Variants in ZNF107 observed in about 807,000 individuals in gnomAD.
ZNF107 encodes the protein C2H2 type zinc-finger protein.
ZNF107 carries 19 observed loss-of-function variants against 12.3 expected under a neutral mutation model. That is an observed-to-expected ratio of 1.55 (90% CI 1.08 to 2.27). The LOEUF (loss-of-function observed/expected upper bound fraction) is 2.27, where lower values mean the gene tolerates loss of function less well. ZNF107 is among the 30% of genes most tolerant of loss of function. The pLI is 0.00. For synonymous variants in ZNF107, 317 were observed against 330.5 expected (o/e 0.96, Z 0.44); for missense variants, 958 against 979.9 (o/e 0.98, Z 0.30).
At chr7:64,671,662 A>G (rs966142156) in intron 1 of ZNF107, among the ~76,000 whole-genome samples, 2 of 152,102 alleles carry the variant, frequency 1.3e-5, no homozygotes, top group African/African-American at 4.8e-5. Context: ...GTTTTGGAGT[A>G]CACATGCAGT....
rs997482625 is a variant in ZNF107 at position 64,671,138 on chromosome 7, C to T, written c.3+4853C>T. ...GAACTCTGGGTGTCTGGGAATGCGACGCTCTACCCTCCTGTACACAGACTG... is the reference window on the plus strand; with the variant it reads ...GAACTCTGGGTGTCTGGGAATGCGATGCTCTACCCTCCTGTACACAGACTG... On this transcript the variant is annotated intron_variant, in intron 1 of 3. Transcript: ENST00000620827. Among the ~76,000 whole-genome samples the T allele has an allele frequency of 4.6e-5, 7 of 152,270 alleles. No individual in the cohort carries two copies. In the East Asian group the frequency reaches 7.7e-4, roughly 17 times the overall value.
At chr7:64,692,156 T>C (rs1790140200) in intron 3 of ZNF107, among the ~76,000 whole-genome samples, 196 bp downstream of exon 3, 2 of 152,234 alleles carry the variant, frequency 1.3e-5, no homozygotes, top group Non-Finnish European at 2.9e-5. Flanking sequence ...CTAAGGATTC[T>C]ACTTTCCCTT....
Position 64,708,053 on chromosome 7 carries a change from A to G in ZNF107, c.1956A>G (p.Glu652=). ...CTGGAGAGAACCTCTACAAATTTGA[A>G]GAACATGGAAAAGCTTTTAACCTAT... ...IHTGENLYKF[E]EHGKAFNLFS... The change falls in exon 4 of 4, where the codon GAA becomes GAG. Residue 652 remains glutamate, a synonymous_variant. Transcript: ENST00000620827. The G allele has an allele frequency of 1.2e-6, 2 of 1,613,678 alleles. No homozygotes were observed. Among genetic ancestry groups the G allele is most frequent in the South Asian group, 2.2e-5 (2 of 91,048 alleles).
chr7:64,707,784 A>C lies in ZNF107; in HGVS notation c.1687A>C (p.Lys563Gln). The change falls in exon 4 of 4, where the codon AAA (lysine) becomes CAA (glutamine). Residue 563 changes from lysine (K) to glutamine (Q), a missense_variant. Transcript: ENST00000620827. ...ACATAAGAGAATTCATACTGGAGAA[A>C]AACCCTATAAATGTGAAGAATGTGG... The part of the protein sequence containing the change: ...TKHKRIHTGE[K>Q]PYKCEECGKA... 1 of 1,612,084 alleles carries C rather than the reference A, an allele frequency of 6.2e-7. No homozygotes were observed. The highest frequency in any genetic ancestry group is 8.5e-7 in the Non-Finnish European group (1 of 1,179,404).
rs1160927478 is a variant in ZNF107, at chr7:64,710,736, G to A, written c.*2080G>A. ...TGAAAGCATGTGATTAATTTTTCATGCATCAAAGATATGAGAAATCATTTC... is the reference window on the plus strand; with the variant it reads ...TGAAAGCATGTGATTAATTTTTCATACATCAAAGATATGAGAAATCATTTC... On this transcript the variant is annotated 3_prime_UTR_variant, in exon 4 of 4. Transcript: ENST00000620827. 1 of 152,004 alleles carries A rather than the reference G, an allele frequency of 6.6e-6. No homozygotes were observed. Among genetic ancestry groups the A allele is most frequent in the Non-Finnish European group, 1.5e-5 (1 of 67,972 alleles). 9.4% of individuals were successfully genotyped at this position (152,004 alleles called of 1,614,324 possible).
chr7:64,704,406 T>C (rs887675139), intron 3 of ZNF107, among the ~76,000 whole-genome samples: 1 of 151,992 alleles, frequency 6.6e-6, no homozygotes, highest in African/African-American at 2.4e-5. Flanking sequence ...CCACCACACC[T>C]GTCTAATTTT....
At chr7:64,687,343 A>G in intron 1 of ZNF107, 2 of 985,376 alleles carry the variant, frequency 2.0e-6, no homozygotes, top group Non-Finnish European at 2.4e-6. Context: ...ACCCATTCCC[A>G]TTATTGTGAA....
intron 3 of ZNF107, among the ~76,000 whole-genome samples, chr7:64,700,506 C>CTTTTTTTTTTTTT (rs141980471): frequency 9.1e-5 from 6 of 66,226 alleles, no homozygotes; most frequent in African/African-American, 1.9e-4. Flanking sequence ...CCAAATAAAC[C>CTTTTTTTTTTTTT]TTTTTTTTTT....
At chr7:64,696,008 C>T (rs190060979) in intron 3 of ZNF107, among the ~76,000 whole-genome samples, 8 of 151,686 alleles carry the variant, frequency 5.3e-5, no homozygotes, top group African/African-American at 1.9e-4. Context: ...ACAAAAGGAT[C>T]GCTTGAGCCC....
chr7:64,707,835 C>G lies in ZNF107; in HGVS notation c.1738C>G (p.Leu580Val), dbSNP rs772670424. ...CGKAFNQSYQ[L>V]TRHKIVHTKE... ...AAAAGCCTTTAATCAATCCTATCAA[C>G]TTACTAGACATAAGATAGTTCATAC... is the stretch of plus-strand genomic sequence containing the variant. Residue 580 changes from leucine to valine, a missense_variant, in exon 4 of 4, where the codon CTT (leucine) becomes GTT (valine). Leu to Val is a conservative substitution (Grantham distance 32, BLOSUM62 1). Coordinates refer to ENST00000620827, the MANE Select transcript of ZNF107 (RefSeq NM_001282359.2). 2.5e-6 allele frequency: 4 copies of G among 1,612,574 alleles called. No homozygotes were observed. The highest frequency in any genetic ancestry group is 3.3e-5 in the Admixed American group (2 of 59,740).
rs79324677 is a variant in ZNF107, at chr7:64,684,605, C to G, written c.4-6643C>G. On this transcript the variant is annotated intron_variant, in intron 1 of 3. Transcript: ENST00000620827. ...AAACTCACCGAAATCCCTGAAGAAA[C>G]TTAAATGTCCTGCTCCTGTCCGCCC... 2.3e-3 allele frequency: 2,270 copies of G among 985,382 alleles called. 42 individuals carry two copies. In the African/African-American group the frequency reaches 0.037, roughly 16 times the overall value. The allele number at this position is 985,382 out of a possible 1,614,324, so 61.0% of individuals were successfully genotyped here.
chr7:64,689,135 T>G (rs1790030144), intron 1 of ZNF107, among the ~76,000 whole-genome samples: 1 of 152,136 alleles, frequency 6.6e-6, no homozygotes, highest in Non-Finnish European at 1.5e-5. Context: ...GACATATTAT[T>G]TAGAATGTGC....
At chr7:64,688,459 T>C (rs772094601) in intron 1 of ZNF107, among the ~76,000 whole-genome samples, 1 of 151,990 alleles carries the variant, frequency 6.6e-6, no homozygotes, top group Non-Finnish European at 1.5e-5. Flanking sequence ...GGTTTCACCA[T>C]GTTGGCCAGG....
At chr7:64,705,517 T>C (rs1790609360) in intron 3 of ZNF107, among the ~76,000 whole-genome samples, 2 of 152,130 alleles carry the variant, frequency 1.3e-5, no homozygotes, top group African/African-American at 4.8e-5. Flanking sequence ...TGTATTGCCC[T>C]AATATTTTTT....
rs73698964 is a variant in ZNF107 at position 64,709,353 on chromosome 7, C to G, written c.*697C>G. On this transcript the variant is annotated 3_prime_UTR_variant, in exon 4 of 4. Coordinates refer to ENST00000620827, the MANE Select transcript of ZNF107 (RefSeq NM_001282359.2). Reference sequence around the variant, plus strand: ...TCCTCACACCTTGCTACATATAAGACAGTTTATACTTTGAGAGAAACCCTG... The same window carrying G: ...TCCTCACACCTTGCTACATATAAGAGAGTTTATACTTTGAGAGAAACCCTG... The G allele has an allele frequency of 3.8e-5, 13 of 341,416 alleles. No homozygotes were observed. The highest frequency in any genetic ancestry group is 6.2e-5 in the Non-Finnish European group (11 of 176,832). 21.1% of individuals were successfully genotyped at this position (341,416 alleles called of 1,614,324 possible). A position where few individuals can be genotyped will look rare whatever the true frequency, so the allele number is the denominator to read the frequency against.
chr7:64,667,711 A>G (rs1417835757), intron 1 of ZNF107, among the ~76,000 whole-genome samples: 2 of 152,194 alleles, frequency 1.3e-5, no homozygotes, highest in African/African-American at 4.8e-5. Context: ...GTTGGAGTGT[A>G]GCCTCTCAAG....
At chr7:64,699,914 A>G (rs918294209) in intron 3 of ZNF107, among the ~76,000 whole-genome samples, 1 of 152,048 alleles carries the variant, frequency 6.6e-6, no homozygotes, top group Non-Finnish European at 1.5e-5. Context: ...TAAAAATACA[A>G]AAATTAGCCG....
In ZNF107 at chr7:64,695,471, G is replaced by A. The variant is rs116475910; in HGVS notation, c.226+3511G>A. ...TAAACATTTTTCTTATTGTTTTGTA[G>A]TTCCATATTAGTGTGGTTTTTCAGT... On this transcript the variant is annotated intron_variant, in intron 3 of 3. Coordinates refer to ENST00000620827, the MANE Select transcript of ZNF107 (RefSeq NM_001282359.2). Among the ~76,000 whole-genome samples the A allele has an allele frequency of 9.6e-3, 1,461 of 152,150 alleles. 20 individuals carry two copies. Among genetic ancestry groups the A allele is most frequent in the African/African-American group, 0.031 (1,302 of 41,504 alleles).
rs754249689 is a variant in ZNF107, at chr7:64,708,361, A to G, written c.2264A>G (p.His755Arg). The G allele has an allele frequency of 1.9e-5, 30 of 1,613,346 alleles. No homozygotes were observed. The highest frequency in any genetic ancestry group is 2.5e-5 in the Non-Finnish European group (30 of 1,179,822). ...SSTLTAHKKI[H>R]TGEKPYKCEE... Reference sequence around the variant, plus strand: ...ACCCTTACTGCACATAAGAAAATTCATACTGGAGAGAAACCCTATAAATGT... The same window carrying G: ...ACCCTTACTGCACATAAGAAAATTCGTACTGGAGAGAAACCCTATAAATGT... Residue 755 changes from histidine (H) to arginine (R), a missense_variant, in exon 4 of 4, where the codon CAT becomes CGT. His to Arg is a conservative substitution (Grantham distance 29). Transcript: ENST00000620827.
Sources: allele counts gnomAD v4.1 joint callset (sites outside exome capture counted in the v4.1 genomes callset), GRCh38; gene constraint gnomAD v4.1.1; transcripts MANE v1.5; gene names NCBI Gene and HGNC (gene_info 2026-07-23, HGNC 2026-07-21).